Variants in SLIT2 observed in about 807,000 individuals in gnomAD.
SLIT2 encodes the protein slit homolog 2 protein.
Under a neutral mutation model 185.7 loss-of-function variants are expected in SLIT2, and 41 were observed. The observed-to-expected ratio is 0.22, with a 90% CI of 0.17 to 0.29. SLIT2 has a LOEUF of 0.29. Among genes scored for constraint, SLIT2 ranks in the 10% least tolerant of loss-of-function variants. The pLI, the probability that SLIT2 is intolerant of heterozygous loss-of-function variation, is 1.00. For synonymous variants in SLIT2, 693 were observed against 680.2 expected (o/e 1.02, Z -0.29); for missense variants, 1,571 against 1,909.0 (o/e 0.82, Z 3.30).
intron 26 of SLIT2, among the ~76,000 whole-genome samples, 154 bp downstream of exon 26, chr4:20,554,122 G>C (rs529051176): frequency 6.6e-6 from 1 of 152,308 alleles, no homozygotes; most frequent in South Asian, 2.1e-4. Flanking sequence ...GCAGTTACCT[G>C]AGGTGCCCAA....
intron 4 of SLIT2, among the ~76,000 whole-genome samples, chr4:20,455,636 A>C (rs996536911): frequency 6.6e-6 from 1 of 152,174 alleles, no homozygotes; most frequent in African/African-American, 2.4e-5. Flanking sequence ...TACATGCTAC[A>C]ACCTGGGGGT....
chr4:20,612,055 C>A (rs1304749458), intron 34 of SLIT2, among the ~76,000 whole-genome samples: 2 of 151,888 alleles, frequency 1.3e-5, no homozygotes, highest in African/African-American at 4.8e-5. Flanking sequence ...TTTCGAAGCC[C>A]CTTTAGAATA....
chr4:20,528,975 A>G lies in SLIT2; in HGVS notation c.1489A>G (p.Ser497Gly), dbSNP rs776563951. 8.7e-6 allele frequency: 14 copies of G among 1,613,836 alleles called. No homozygotes were observed. The African/African-American group carries it at 1.9e-4, about 22-fold the overall frequency. Residue 497 changes from serine (S) to glycine (G), a missense_variant, in exon 16 of 37, where the codon AGT (serine) becomes GGT (glycine). This residue lies in a region of SLIT2 where 1,202 missense variants were observed against 1,416.4 expected (regional missense o/e 0.85). Transcript: ENST00000504154. This position sits in a 1 kb window ranked among gnomAD's most constrained non-coding sequence, Gnocchi z 4.2. The stretch of plus-strand genomic sequence containing the variant: ...TACAGAAGATTATCGATCAAAATTA[A>G]GTGGAGACTGCTTTGCGGATCTGGC... ...PGTEDYRSKL[S>G]GDCFADLACP...
At chr4:20,609,679 CT>C (rs1220929047) in intron 33 of SLIT2, among the ~76,000 whole-genome samples, 3 of 152,068 alleles carry the variant, frequency 2.0e-5, no homozygotes, top group Non-Finnish European at 2.9e-5. Context: ...GTAAATGGAC[CT>C]TTTATGGAAG....
intron 4 of SLIT2, among the ~76,000 whole-genome samples, chr4:20,394,006 A>C (rs1725674111): frequency 6.6e-6 from 1 of 151,986 alleles, no homozygotes. Context: ...TGACTTAATA[A>C]AAGCTGGCCA....
rs139857854 is a variant in SLIT2 at position 20,563,671 on chromosome 4, T to C, written c.2726-3591T>C. 4.0e-3 allele frequency among the ~76,000 whole-genome samples: 609 copies of C among 151,452 alleles called. 14 individuals are homozygous for C. Among genetic ancestry groups the C allele is most frequent in the African/African-American group, 0.014 (571 of 41,240 alleles). ...AGGCTCTCAGGGAGACTGTGATGAA[T>C]AGATAAACAGCAAGATCTAATTTGC... On this transcript the variant is annotated intron_variant, in intron 26 of 36. Coordinates refer to ENST00000504154, the MANE Select transcript of SLIT2 (RefSeq NM_004787.4).
At chr4:20,480,905 C>T (rs1225451432) in intron 6 of SLIT2, 118 bp downstream of exon 6, 4 of 733,528 alleles carry the variant, frequency 5.5e-6, no homozygotes, top group African/African-American at 5.3e-5. Flanking sequence ...TCAAGAGATA[C>T]CTTAAATAAC....
chr4:20,617,079 G>C lies in SLIT2; in HGVS notation c.4017G>C (p.Lys1339Asn). 6.2e-7 allele frequency: 1 copy of C among 1,614,154 alleles called. No individual in the cohort carries two copies. Among genetic ancestry groups the C allele is most frequent in the South Asian group, 1.1e-5 (1 of 91,090 alleles). Residue 1339 changes from lysine to asparagine, a missense_variant, in exon 35 of 37, where the codon AAG (lysine) becomes AAC (asparagine). By Grantham distance (94) the Lys-to-Asn change is moderately conservative (BLOSUM62 0). Around this residue, in one of 3 missense-constraint regions of SLIT2, gnomAD observed 223 missense variants for 245.2 expected, o/e 0.91. Coordinates refer to ENST00000504154, the MANE Select transcript of SLIT2 (RefSeq NM_004787.4). Reference protein sequence around the residue: ...ILPGCEPCHKKVCAHGTCQPS... With the variant: ...ILPGCEPCHKNVCAHGTCQPS... ...CTGGCTGTGAGCCATGCCACAAGAA[G>C]GTGTGTGCCCATGGCACATGCCAGC...
At chr4:20,272,422 G>A (rs1713724486) in intron 4 of SLIT2, among the ~76,000 whole-genome samples, 1 of 152,060 alleles carries the variant, frequency 6.6e-6, no homozygotes, top group Non-Finnish European at 1.5e-5. Context: ...CTGGTTAACT[G>A]AAGAAGAGAT....
At chr4:20,255,204 C>T (rs1711678799) in intron 1 of SLIT2, 1 of 367,596 alleles carries the variant, frequency 2.7e-6, no homozygotes, top group Non-Finnish European at 5.3e-6. Flanking sequence ...GGGTTTCGGG[C>T]CGTGGAGAGG....
chr4:20,559,684 C>T (rs1724539882), intron 26 of SLIT2, among the ~76,000 whole-genome samples: 1 of 151,756 alleles, frequency 6.6e-6, no homozygotes, highest in Non-Finnish European at 1.5e-5. Context: ...TATCATTTCC[C>T]CATTTGAGAT....
chr4:20,403,168 A>G (rs1726492221), intron 4 of SLIT2, among the ~76,000 whole-genome samples: 1 of 151,948 alleles, frequency 6.6e-6, no homozygotes, highest in South Asian at 2.1e-4. Context: ...GCTATGTCAT[A>G]CATTTTTTTA....
Position 20,291,904 on chromosome 4 carries a change from C to CTGTGTG in SLIT2, c.395+23054_395+23059dup, listed in dbSNP as rs35335088. Among the ~76,000 whole-genome samples the CTGTGTG allele has an allele frequency of 4.2e-3, 621 of 146,952 alleles. 4 individuals are homozygous for CTGTGTG. The highest frequency in any genetic ancestry group is 6.0e-3 in the Non-Finnish European group (400 of 66,666). On this transcript the variant is annotated intron_variant, in intron 4 of 36. Transcript: ENST00000504154. ...AACATCCTAGAGCTCCTGCACACCT[C>CTGTGTG]TGTGTGTGTGTGTGTGTGTGTGTGT...
intron 4 of SLIT2, among the ~76,000 whole-genome samples, chr4:20,452,040 G>A (rs1266960893): frequency 6.6e-6 from 1 of 152,208 alleles, no homozygotes. Context: ...CATGGTCAAG[G>A]TAGAATTGAT....
chr4:20,536,362 G>A (rs1722280223), intron 18 of SLIT2, among the ~76,000 whole-genome samples: 1 of 152,022 alleles, frequency 6.6e-6, no homozygotes, highest in Non-Finnish European at 1.5e-5. Flanking sequence ...TCCAGGACCA[G>A]CCTGGCCAAT....
intron 30 of SLIT2, among the ~76,000 whole-genome samples, chr4:20,591,283 A>G (rs1398115217): frequency 6.6e-6 from 1 of 152,178 alleles, no homozygotes; most frequent in East Asian, 1.9e-4. Context: ...GATTGCTAAG[A>G]TATTTGTACT....
chr4:20,577,460 C>T (rs935577489), intron 29 of SLIT2, among the ~76,000 whole-genome samples: 5 of 152,130 alleles, frequency 3.3e-5, no homozygotes, highest in African/African-American at 2.4e-5. Flanking sequence ...CGATTATGTA[C>T]GTGTCCCATT....
chr4:20,254,106 T>C lies in SLIT2; in HGVS notation c.179+112T>C. ...TGTGCCTGGGGCAGCCCTCGCTAGC[T>C]CTCCCCCATGCACATCCTGGGGTTG... On this transcript the variant is annotated intron_variant, in intron 1 of 36. Transcript: ENST00000504154. The surrounding 1 kb of genome is among the most constrained non-coding windows in gnomAD (Gnocchi z 5.1). 3 of 1,090,110 alleles carry C rather than the reference T, an allele frequency of 2.8e-6. No homozygotes were observed. The highest frequency in any genetic ancestry group is 2.9e-5 in the South Asian group (2 of 69,798). The allele number at this position is 1,090,110 out of a possible 1,614,324, so 67.5% of individuals were successfully genotyped here. A position where few individuals can be genotyped will look rare whatever the true frequency, so the allele number is the denominator to read the frequency against.
At chr4:20,515,171 A>G (rs1268964712) in intron 11 of SLIT2, among the ~76,000 whole-genome samples, 1 of 152,192 alleles carries the variant, frequency 6.6e-6, no homozygotes, top group Non-Finnish European at 1.5e-5. Flanking sequence ...GCTAGTTACT[A>G]AATTCCCTGG....
Sources: allele counts gnomAD v4.1 joint callset (sites outside exome capture counted in the v4.1 genomes callset), GRCh38; gene constraint gnomAD v4.1.1; regional missense constraint gnomAD v4.1.1; non-coding constraint Gnocchi (gnomAD v3.1); transcripts MANE v1.5; gene names NCBI Gene and HGNC (gene_info 2026-07-23, HGNC 2026-07-21).